Variants in NCAN observed in about 807,000 individuals in gnomAD.
NCAN encodes neurocan core protein.
NCAN carries 47 observed loss-of-function variants against 121.8 expected under a neutral mutation model. The ratio of observed to expected loss-of-function variants is 0.39; its 90% CI spans 0.31 to 0.49. The LOEUF (loss-of-function observed/expected upper bound fraction) is 0.49. NCAN is among the 20% of genes least tolerant of loss of function. The probability of loss-of-function intolerance (pLI) is 0.92; values close to 1 mark genes in which losing one functional copy is unlikely to be tolerated. For synonymous variants in NCAN, 633 were observed against 702.0 expected (o/e 0.90, Z 1.55); for missense variants, 1,517 against 1,773.4 (o/e 0.86, Z 2.60).
chr19:19,223,866 A>G (rs1425870161), intron 3 of NCAN, among the ~76,000 whole-genome samples, 155 bp from the exon 4 acceptor site: 2 of 145,282 alleles, frequency 1.4e-5, no homozygotes, highest in Non-Finnish European at 3.1e-5. Flanking sequence ...ATGGGGGCAT[A>G]TGGATCTTGC....
At chr19:19,238,439 G>C (rs1296682287) in intron 11 of NCAN, 28 bp downstream of exon 11, 1 of 1,613,676 alleles carries the variant, frequency 6.2e-7, no homozygotes, top group East Asian at 2.2e-5. Flanking sequence ...GGGGCCACCT[G>C]CCTGGAGGGT....
chr19:19,225,043 GC>G lies in NCAN; in HGVS notation c.847del (p.Gln283ArgfsTer86). 6.6e-7 allele frequency: 1 copy of G among 1,504,652 alleles called. No individual in the cohort carries two copies. The highest frequency in any genetic ancestry group is 2.1e-5 in the Admixed American group (1 of 47,014). 93.2% of individuals were successfully genotyped at this position (1,504,652 alleles called of 1,614,324 possible). Reference protein sequence around the residue: ...TLAGARAQCRRQGAALASVGQ... With the variant: ...TLAGARAQCRXQGAALASVGQ... ...GCCGGCGCGCGTGCACAGTGCCGCCGCCAGGGTGCCGCGCTGGCCTCGGTGG... is the reference window on the plus strand; with the variant it reads ...GCCGGCGCGCGTGCACAGTGCCGCCGCAGGGTGCCGCGCTGGCCTCGGTGG... On this transcript the variant is annotated frameshift_variant, in exon 6 of 15. Transcript: ENST00000252575. LOFTEE classifies it high-confidence loss of function. This position sits in a 1 kb window ranked among gnomAD's most constrained non-coding sequence, Gnocchi z 4.0.
In NCAN at chr19:19,247,718, C is replaced by T. The variant is rs140741731; in HGVS notation, c.3638-982C>T. ...TATTTGCTCAGATAATTATTATTGC[C>T]GTCTGTCTCCTTCATTCCCATTGTG... On this transcript the variant is annotated intron_variant, in intron 13 of 14. Coordinates refer to ENST00000252575, the MANE Select transcript of NCAN (RefSeq NM_004386.3). Among the ~76,000 whole-genome samples, 58 of 152,276 alleles carry T rather than the reference C, an allele frequency of 3.8e-4. No homozygotes were observed. In the East Asian group the frequency reaches 8.1e-3, roughly 21 times the overall value.
chr19:19,249,339 G>A (rs1461775031), intron 14 of NCAN, among the ~76,000 whole-genome samples: 2 of 151,888 alleles, frequency 1.3e-5, no homozygotes, highest in Non-Finnish European at 2.9e-5. Context: ...CCAAAGTGCT[G>A]GGATTACAGG....
chr19:19,224,546 C>T, intron 5 of NCAN, 113 bp downstream of exon 5: 1 of 1,371,172 alleles, frequency 7.3e-7, no homozygotes. Flanking sequence ...TTATACCTCC[C>T]TAAACCTGCA....
chr19:19,227,994 G>C lies in NCAN; in HGVS notation c.2374G>C (p.Ala792Pro), dbSNP rs1433331786. ...WPSVYSKGLD[A>P]SSPSAPLGSP... The stretch of plus-strand genomic sequence containing the variant: ...CTCAGTGTACAGCAAAGGGCTGGAT[G>C]CAAGTTCCCCATCTGCCCCCCTGGG... The change falls in exon 8 of 15, where the codon GCA becomes CCA. Residue 792 changes from alanine (A) to proline (P), a missense_variant. By Grantham distance (27) the Ala-to-Pro change is conservative (BLOSUM62 -1). Transcript: ENST00000252575. The surrounding 1 kb of genome is among the most constrained non-coding windows in gnomAD (Gnocchi z 4.2). 3 of 1,613,352 alleles carry C rather than the reference G, an allele frequency of 1.9e-6. No individual in the cohort carries two copies. The highest frequency in any genetic ancestry group is 2.5e-6 in the Non-Finnish European group (3 of 1,180,000).
chr19:19,248,255 G>A (rs1291358625), intron 13 of NCAN, among the ~76,000 whole-genome samples: 1 of 152,122 alleles, frequency 6.6e-6, no homozygotes, highest in Non-Finnish European at 1.5e-5. Flanking sequence ...GACCCGCCTG[G>A]CCAATATGAC....
At chr19:19,222,531 G>A (rs915836056) in intron 3 of NCAN, among the ~76,000 whole-genome samples, 5 of 152,078 alleles carry the variant, frequency 3.3e-5, no homozygotes, top group South Asian at 2.1e-4. Context: ...TGCCTGCCTC[G>A]GTCTTCCAAA....
At chr19:19,231,592 T>C (rs1177229825) in intron 8 of NCAN, among the ~76,000 whole-genome samples, 1 of 152,036 alleles carries the variant, frequency 6.6e-6, no homozygotes, top group African/African-American at 2.4e-5. Context: ...CCTCCCGAAG[T>C]GCTGGGATTA....
At chr19:19,243,750 A>G (rs769173823) in intron 12 of NCAN, among the ~76,000 whole-genome samples, 1 of 151,848 alleles carries the variant, frequency 6.6e-6, no homozygotes, top group African/African-American at 2.4e-5. Context: ...AAAATTGGCC[A>G]GGTGCGGTGG....
chr19:19,220,269 G>C (rs181708191), intron 3 of NCAN, among the ~76,000 whole-genome samples: 67 of 151,248 alleles, frequency 4.4e-4, no homozygotes, highest in African/African-American at 1.5e-3. Context: ...CAATTTTATG[G>C]TTATCTGATT....
intron 12 of NCAN, 53 bp downstream of exon 12, chr19:19,240,738 T>C: frequency 6.4e-7 from 1 of 1,567,472 alleles, no homozygotes; most frequent in South Asian, 1.1e-5. Context: ...AGCCCTGCCA[T>C]CTGGCCTCAG....
chr19:19,245,697 C>A (rs566922169), intron 13 of NCAN, among the ~76,000 whole-genome samples: 1 of 152,084 alleles, frequency 6.6e-6, no homozygotes, highest in African/African-American at 2.4e-5. Flanking sequence ...AGGCTGGTCC[C>A]GAACTCCTGG....
At chr19:19,219,462 A>G in intron 3 of NCAN, 146 bp downstream of exon 3, 2 of 879,340 alleles carry the variant, frequency 2.3e-6, no homozygotes, top group Non-Finnish European at 3.3e-6. Context: ...TGGCAGGCCA[A>G]GGCGGGTGGA....
In NCAN at chr19:19,235,113, A is replaced by G; in HGVS notation, c.3250+17A>G. 3.2e-6 allele frequency: 5 copies of G among 1,561,090 alleles called. No homozygotes were observed. Among genetic ancestry groups the G allele is most frequent in the Non-Finnish European group, 4.4e-6 (5 of 1,132,950 alleles). On this transcript the variant is annotated intron_variant, in intron 10 of 14. Coordinates refer to ENST00000252575, the MANE Select transcript of NCAN (RefSeq NM_004386.3). The stretch of plus-strand genomic sequence containing the variant: ...GTGAGAAAGGTGAGTTTCTATTGCA[A>G]CACCAGAAACAGTACCAAGAGTGGG...
At chr19:19,220,908 G>A (rs79446171) in intron 3 of NCAN, among the ~76,000 whole-genome samples, 22,493 of 150,970 alleles carry the variant, frequency 0.15, 2,512 homozygotes, top group African/African-American at 0.3. Context: ...GTCTCTATTA[G>A]AAAAACAAAA....
chr19:19,239,396 C>T (rs2060893899), intron 11 of NCAN, among the ~76,000 whole-genome samples: 1 of 146,752 alleles, frequency 6.8e-6, no homozygotes, highest in Non-Finnish European at 1.5e-5. Flanking sequence ...TCTTCCCTCC[C>T]ACTCCTCCCC....
intron 5 of NCAN, 138 bp downstream of exon 5, chr19:19,224,571 C>T (rs1377994586): frequency 4.2e-6 from 5 of 1,194,658 alleles, no homozygotes; most frequent in Non-Finnish European, 5.8e-6. Context: ...AGACATGATT[C>T]CACTCATTTT....
intron 2 of NCAN, among the ~76,000 whole-genome samples, chr19:19,218,074 T>C (rs1224264787): frequency 6.6e-6 from 1 of 151,144 alleles, no homozygotes; most frequent in Non-Finnish European, 1.5e-5. Flanking sequence ...AGGTCAGGAA[T>C]TGGAGACCAG....
Sources: allele counts gnomAD v4.1 joint callset (sites outside exome capture counted in the v4.1 genomes callset), GRCh38; gene constraint gnomAD v4.1.1; non-coding constraint Gnocchi (gnomAD v3.1); transcripts MANE v1.5; gene names NCBI Gene and HGNC (gene_info 2026-07-23, HGNC 2026-07-21).